PKD2L1: variants seen among roughly 807,000 people sequenced by gnomAD.
The protein encoded by PKD2L1 is polycystin 2 like 1, transient receptor potential cation channel, also known as polycystin-2-like protein 1.
In PKD2L1, 77 loss-of-function variants were observed where a neutral mutation model predicts 93.0. That is an observed-to-expected ratio of 0.83 (90% CI 0.69 to 1.00). The LOEUF is 1.00. PKD2L1 is among the 50% of genes least tolerant of loss of function. PKD2L1 has a pLI of 0.00. For synonymous variants in PKD2L1, 390 were observed against 388.0 expected, an observed-to-expected ratio of 1.01 and a Z score of -0.06; for missense variants, 977 against 990.9, an observed-to-expected ratio of 0.99 and a Z score of 0.19.
In PKD2L1 at chr10:100,288,154, C is replaced by T. The variant is rs759573807; in HGVS notation, c.*242G>A. 32 of 455,586 alleles carry T rather than the reference C, an allele frequency of 7.0e-5. No homozygotes were observed. The highest frequency in any genetic ancestry group is 6.7e-4 in the Admixed American group (19 of 28,390). The allele number at this position is 455,586 out of a possible 1,614,324, so 28.2% of individuals were successfully genotyped here. On this transcript the variant is annotated 3_prime_UTR_variant, in exon 16 of 16. Coordinates refer to ENST00000318222, the MANE Select transcript of PKD2L1 (RefSeq NM_016112.3). The stretch of plus-strand genomic sequence containing the variant: ...AAGCAAATGCAAAGTCCAAGTTTTC[C>T]TAAGGAGTTTTATTGATAGCCACCA...
Position 100,293,341 on chromosome 10 carries a change from C to T in PKD2L1, c.1698G>A (p.Glu566=). Residue 566 remains glutamate (E), a synonymous_variant, in exon 10 of 16, where the codon GAG becomes GAA. Coordinates refer to ENST00000318222, the MANE Select transcript of PKD2L1 (RefSeq NM_016112.3). ...TCTGTCCAGCCAGCTCCTCCTTGAC[C>T]TCTGAATATGTGTCATTGATGATGG... ...FLAIINDTYS[E]VKEELAGQKD... is the part of the protein sequence containing the mutation. 6.2e-7 allele frequency: 1 copy of T among 1,613,662 alleles called. No homozygotes were observed. Among genetic ancestry groups the T allele is most frequent in the South Asian group, 1.1e-5 (1 of 91,068 alleles).
intron 2 of PKD2L1, among the ~76,000 whole-genome samples, chr10:100,320,613 C>T (rs1396678859): frequency 6.6e-6 from 1 of 152,216 alleles, no homozygotes; most frequent in Non-Finnish European, 1.5e-5. Context: ...GAAAACATCT[C>T]TCATGCAATT....
chr10:100,306,870 A>G (rs1443491983), intron 2 of PKD2L1, among the ~76,000 whole-genome samples: 2 of 150,334 alleles, frequency 1.3e-5, no homozygotes, highest in African/African-American at 2.4e-5. Context: ...AAAAAAAAAA[A>G]AAAGAAAGAG....
Position 100,289,008 on chromosome 10 carries a change from G to A in PKD2L1, c.2299C>T (p.Pro767Ser), listed in dbSNP as rs749286185. 6.2e-6 allele frequency: 10 copies of A among 1,612,882 alleles called. No individual in the cohort carries two copies. The East Asian group carries it at 8.9e-5, about 14-fold the overall frequency. The change falls in exon 15 of 16, where the codon CCA (proline) becomes TCA (serine). Residue 767 changes from proline to serine, a missense_variant. By Grantham distance (74) the Pro-to-Ser change is moderately conservative. Transcript: ENST00000318222. ...CCACCCTGGACTCCCCAGGGGTCTG[G>A]GGTCACAGCTGGGGCTGGCTGCGGG... ...KHPQPAPAVT[P>S]DPWGVQGGQE...
intron 2 of PKD2L1, among the ~76,000 whole-genome samples, chr10:100,322,645 T>C (rs1849286764): frequency 6.6e-6 from 1 of 152,242 alleles, no homozygotes; most frequent in Non-Finnish European, 1.5e-5. Flanking sequence ...TTTAATGTTT[T>C]TATATCATCT....
chr10:100,295,512 G>T (rs1848510232), intron 7 of PKD2L1, among the ~76,000 whole-genome samples: 2 of 151,046 alleles, frequency 1.3e-5, no homozygotes, highest in African/African-American at 4.9e-5. Context: ...CAGGTGGATG[G>T]CTCAAGGTCA....
chr10:100,329,370 C>T (rs1477867900), intron 1 of PKD2L1, 46 bp from the exon 2 acceptor site: 1 of 1,613,406 alleles, frequency 6.2e-7, no homozygotes, highest in South Asian at 1.1e-5. Context: ...TGGCAGTGTT[C>T]CTCCCAGTCA....
intron 2 of PKD2L1, among the ~76,000 whole-genome samples, chr10:100,328,898 C>T (rs1259267546): frequency 6.6e-6 from 1 of 152,192 alleles, no homozygotes; most frequent in Non-Finnish European, 1.5e-5. Flanking sequence ...CCACTCTCTA[C>T]AGAAGGGTAA....
chr10:100,297,679 T>C lies in PKD2L1; in HGVS notation c.732-73A>G, dbSNP rs186776075. The C allele has an allele frequency of 2.6e-4, 283 of 1,069,322 alleles. 1 individual carries two copies. In the African/African-American group the frequency reaches 3.9e-3, roughly 15 times the overall value. 66.2% of individuals were successfully genotyped at this position (1,069,322 alleles called of 1,614,324 possible). On this transcript the variant is annotated intron_variant, in intron 4 of 15. Transcript: ENST00000318222. ...AGGCAATGGCAATGCTTTATCATTG[T>C]CTGGGCTTTACAGGTTTACATATTG... is the stretch of plus-strand genomic sequence containing the variant.
At chr10:100,302,909 G>T (rs974904349) in intron 2 of PKD2L1, among the ~76,000 whole-genome samples, 5 of 152,180 alleles carry the variant, frequency 3.3e-5, no homozygotes, top group Non-Finnish European at 7.3e-5. Flanking sequence ...TTCTGACTTT[G>T]ATAAGAGAAT....
chr10:100,293,643 C>A (rs1453185078), intron 9 of PKD2L1, among the ~76,000 whole-genome samples: 1 of 152,144 alleles, frequency 6.6e-6, no homozygotes, highest in Non-Finnish European at 1.5e-5. Context: ...CACAGAGATA[C>A]AATAACATAT....
rs868223368 is a variant in PKD2L1, at chr10:100,299,623, G to A, written c.445C>T (p.Gln149Ter). The change falls in exon 3 of 16, where the codon CAG becomes TAG. Residue 149 changes from glutamine (Q) to a stop codon, truncating the protein, a stop_gained. Transcript: ENST00000318222. LOFTEE classifies it high-confidence loss of function. ...AAGTCCGCCATGCTGCTGATGGCCT[G>A]AAAGGAGACTCCAGTGTCTGATGGA... ...HTPSDTGVSF[Q>*]AISSMADFWD... 1 of 1,613,822 alleles carries A rather than the reference G, an allele frequency of 6.2e-7. No homozygotes were observed. Among genetic ancestry groups the A allele is most frequent in the Non-Finnish European group, 8.5e-7 (1 of 1,179,678 alleles).
At chr10:100,293,153 C>G in intron 10 of PKD2L1, 84 bp from the exon 11 acceptor site, 1 of 1,585,754 alleles carries the variant, frequency 6.3e-7, no homozygotes, top group Admixed American at 1.7e-5. Flanking sequence ...GTATGCCAGG[C>G]TTCCAAGGAT....
chr10:100,318,746 A>C (rs370139567), intron 2 of PKD2L1, among the ~76,000 whole-genome samples: 180 of 151,114 alleles, frequency 1.2e-3, no homozygotes, highest in Middle Eastern at 3.5e-3. Context: ...GTCTCGATCT[A>C]CTAACCTCGT....
intron 2 of PKD2L1, among the ~76,000 whole-genome samples, chr10:100,318,606 C>A (rs1364355334): frequency 6.6e-6 from 1 of 151,514 alleles, no homozygotes; most frequent in Non-Finnish European, 1.5e-5. Flanking sequence ...GCATGCTCCA[C>A]CTCCTAGGTT....
chr10:100,292,557 G>A (rs1216905969), intron 11 of PKD2L1, among the ~76,000 whole-genome samples: 1 of 152,108 alleles, frequency 6.6e-6, no homozygotes, highest in African/African-American at 2.4e-5. Flanking sequence ...TGCTCACAAT[G>A]TATTTGTTCA....
At chr10:100,328,545 A>G (rs938117692) in intron 2 of PKD2L1, among the ~76,000 whole-genome samples, 20 of 151,760 alleles carry the variant, frequency 1.3e-4, no homozygotes, top group African/African-American at 4.8e-4. Context: ...AACTACGTGA[A>G]GCCCACCAAA....
In PKD2L1 at chr10:100,314,851, A is replaced by T. The variant is rs1238804387; in HGVS notation, c.349+14360T>A. On this transcript the variant is annotated intron_variant, in intron 2 of 15. Coordinates refer to ENST00000318222, the MANE Select transcript of PKD2L1 (RefSeq NM_016112.3). ...GGAGTTCAAGACCAGCCTGGCCAAC[A>T]TGGTGAAACCCCATCTCTACTAAAA... Among the ~76,000 whole-genome samples, 4 of 151,810 alleles carry T rather than the reference A, an allele frequency of 2.6e-5. No individual in the cohort carries two copies. In the South Asian group the frequency reaches 8.3e-4, roughly 32 times the overall value.
chr10:100,325,140 C>T (rs646767), intron 2 of PKD2L1, among the ~76,000 whole-genome samples: 22,762 of 152,202 alleles, frequency 0.15, 1,940 homozygotes, highest in South Asian at 0.34. Context: ...CTCCCAATTC[C>T]GATACTGCAG....
Sources: gnomAD v4.1 joint callset for allele counts (sites outside exome capture counted in the v4.1 genomes callset) on GRCh38, gnomAD v4.1.1 for gene constraint, MANE v1.5 for transcripts, NCBI Gene and HGNC (gene_info 2026-07-23, HGNC 2026-07-21) for gene names.